The following NRG1 variants were observed in gnomAD, a reference collection of about 807,000 sequenced individuals.
The protein encoded by NRG1 is pro-neuregulin-1, membrane-bound isoform.
A neutral mutation model predicts 63.8 loss-of-function variants in NRG1; 18 were observed. The observed-to-expected ratio is 0.28, with a 90% CI of 0.19 to 0.42. The LOEUF is 0.42. Ranked by LOEUF, NRG1 falls within the 10% of genes least tolerant of loss-of-function variation. The pLI, the probability that NRG1 is intolerant of heterozygous loss-of-function variation, is 1.00. For synonymous variants in NRG1, 302 were observed against 301.3 expected, an observed-to-expected ratio of 1.00 and a Z score of -0.02; for missense variants, 762 against 814.7, an observed-to-expected ratio of 0.94 and a Z score of 0.79.
intron 1 of NRG1, among the ~76,000 whole-genome samples, chr8:32,001,724 AGG>A (rs1346502745): frequency 6.6e-6 from 1 of 151,978 alleles, no homozygotes; most frequent in East Asian, 1.9e-4. Context: ...TAATACTAGC[AGG>A]GATACTGATG....
intron 1 of NRG1, among the ~76,000 whole-genome samples, chr8:32,455,341 T>A (rs1365775443): frequency 6.6e-6 from 1 of 152,190 alleles, no homozygotes; most frequent in East Asian, 1.9e-4. Context: ...CCATCCTTTT[T>A]ATGCCTATAA....
intron 11 of NRG1, chr8:32,760,703 C>G: frequency 8.5e-7 from 1 of 1,170,406 alleles, no homozygotes; most frequent in African/African-American, 1.6e-5. Flanking sequence ...CTCAGACCCA[C>G]TCGGGGTCTC....
chr8:31,839,444 C>CTGTTCCACA (rs1825988361), intron 1 of NRG1, among the ~76,000 whole-genome samples: 1 of 152,042 alleles, frequency 6.6e-6, no homozygotes, highest in African/African-American at 2.4e-5. Flanking sequence ...GAGTAGACCA[C>CTGTTCCACA]TGTTCCACAT....
chr8:31,667,125 T>G (rs1447160191), intron 1 of NRG1, among the ~76,000 whole-genome samples: 1 of 152,198 alleles, frequency 6.6e-6, no homozygotes, highest in African/African-American at 2.4e-5. Context: ...CCTTGAATAT[T>G]CATTGCCAGT....
At chr8:32,477,087 A>G (rs16879458) in intron 1 of NRG1, among the ~76,000 whole-genome samples, 1,979 of 152,304 alleles carry the variant, frequency 0.013, 45 homozygotes, top group African/African-American at 0.045. Context: ...AGAATTGATG[A>G]TTATGGAAGC....
intron 1 of NRG1, among the ~76,000 whole-genome samples, chr8:31,984,560 C>T (rs1169373427): frequency 6.6e-6 from 1 of 151,950 alleles, no homozygotes; most frequent in Non-Finnish European, 1.5e-5. Context: ...GTTAGAGGCC[C>T]CATTTTCTGT....
At chr8:31,876,131 T>G (rs10503895) in intron 1 of NRG1, among the ~76,000 whole-genome samples, 22,899 of 152,180 alleles carry the variant, frequency 0.15, 2,046 homozygotes, top group Non-Finnish European at 0.19. Flanking sequence ...GTCAGTTAGT[T>G]TATATGACCT....
intron 5 of NRG1, among the ~76,000 whole-genome samples, chr8:32,697,698 A>C (rs1813721462): frequency 6.6e-6 from 1 of 152,222 alleles, no homozygotes; most frequent in East Asian, 1.9e-4. Context: ...CAAATTAGAG[A>C]CCAATAAAAA....
intron 1 of NRG1, among the ~76,000 whole-genome samples, chr8:32,081,431 T>A (rs1330452044): frequency 6.6e-6 from 1 of 151,970 alleles, no homozygotes; most frequent in African/African-American, 2.4e-5. Context: ...ACATCTAATC[T>A]TTAAGGAGAG....
chr8:31,864,882 A>G (rs1828812151), intron 1 of NRG1, among the ~76,000 whole-genome samples: 1 of 152,150 alleles, frequency 6.6e-6, no homozygotes, highest in Non-Finnish European at 1.5e-5. Flanking sequence ...AAGTGTGTGC[A>G]AGAGATTTTG....
chr8:32,453,009 C>T (rs1821154132), intron 1 of NRG1, among the ~76,000 whole-genome samples: 1 of 152,134 alleles, frequency 6.6e-6, no homozygotes, highest in Non-Finnish European at 1.5e-5. Context: ...CCATTGATGT[C>T]TACTCTCGTT....
chr8:32,145,453 C>A (rs947451080), intron 1 of NRG1, among the ~76,000 whole-genome samples: 1 of 152,066 alleles, frequency 6.6e-6, no homozygotes, highest in African/African-American at 2.4e-5. Context: ...TTTTTGTTCC[C>A]CAAGTCCAAT....
chr8:32,544,987 A>G (rs1832938320), upstream of NRG1, among the ~76,000 whole-genome samples: 1 of 152,140 alleles, frequency 6.6e-6, no homozygotes, highest in Non-Finnish European at 1.5e-5. Context: ...TGTTTACATT[A>G]TCTTAAGTTA....
At chr8:31,649,392 A>G (rs182061971) in intron 1 of NRG1, among the ~76,000 whole-genome samples, 1 of 152,196 alleles carries the variant, frequency 6.6e-6, no homozygotes, top group Admixed American at 6.5e-5. Context: ...GCTATTTTCT[A>G]CTGTTTTGAT....
At chr8:32,148,613 G>C (rs1837171184) in intron 1 of NRG1, among the ~76,000 whole-genome samples, 1 of 152,214 alleles carries the variant, frequency 6.6e-6, no homozygotes, top group African/African-American at 2.4e-5. Context: ...AGGCACTGAT[G>C]AATGATTTTG....
intron 1 of NRG1, among the ~76,000 whole-genome samples, chr8:31,752,015 A>G (rs950162108): frequency 6.6e-6 from 1 of 151,976 alleles, no homozygotes; most frequent in African/African-American, 2.4e-5. Flanking sequence ...GAAATGTGAA[A>G]AGGCAGTTGG....
At chr8:31,745,103 T>C (rs1416007745) in intron 1 of NRG1, among the ~76,000 whole-genome samples, 1 of 151,652 alleles carries the variant, frequency 6.6e-6, no homozygotes, top group African/African-American at 2.4e-5. Flanking sequence ...AGGGAGAAAA[T>C]GAGGAAGAAA....
intron 1 of NRG1, among the ~76,000 whole-genome samples, chr8:32,193,524 G>A (rs1191310060): frequency 6.6e-6 from 1 of 152,062 alleles, no homozygotes; most frequent in East Asian, 1.9e-4. Context: ...GGATGCAACC[G>A]AGGGCTTGTA....
chr8:32,110,978 C>G (rs773300037), intron 1 of NRG1, among the ~76,000 whole-genome samples: 3 of 152,122 alleles, frequency 2.0e-5, no homozygotes, highest in Non-Finnish European at 4.4e-5. Flanking sequence ...TTCGAGTAAG[C>G]AACGTTTCCT....
Sources: allele counts gnomAD v4.1 joint callset (sites outside exome capture counted in the v4.1 genomes callset), GRCh38; gene constraint gnomAD v4.1.1; transcripts MANE v1.5; gene names NCBI Gene and HGNC (gene_info 2026-07-23, HGNC 2026-07-21).